Variants in NCF2 observed in about 807,000 individuals in gnomAD.
NCF2 encodes the protein neutrophil cytosol factor 2.
In NCF2, 45 loss-of-function variants were observed where a neutral mutation model predicts 70.9. The ratio of observed to expected loss-of-function variants is 0.63; its 90% CI spans 0.50 to 0.81. The LOEUF (loss-of-function observed/expected upper bound fraction) is 0.81, where lower values mean the gene tolerates loss of function less well. Ranked by LOEUF, NCF2 falls within the 40% of genes least tolerant of loss-of-function variation. The pLI is 0.00. For synonymous variants in NCF2, 203 were observed against 233.6 expected (o/e 0.87, Z 1.19); for missense variants, 522 against 631.6 (o/e 0.83, Z 1.86).
intron 11 of NCF2, 115 bp from the exon 12 acceptor site, chr1:183,563,700 G>A: frequency 7.6e-7 from 1 of 1,311,724 alleles, no homozygotes; most frequent in Non-Finnish European, 1.1e-6. Context: ...GCAGGGGAGA[G>A]GCCAGTAAGT....
At position 183,584,641 on chromosome 1, in the gene NCF2, C is replaced by T. The variant is rs148819724; in HGVS notation, c.257+2254G>A. 2.8e-3 allele frequency among the ~76,000 whole-genome samples: 428 copies of T among 152,250 alleles called. 1 individual carries two copies. Among genetic ancestry groups the T allele is most frequent in the Admixed American group, 5.6e-3 (85 of 15,300 alleles). ...CTCTTCTTTATAGACTATTAGAGGT[C>T]ACTAAGGAATGACCTTAGAGTTTGC... On this transcript the variant is annotated intron_variant, in intron 2 of 14. Coordinates refer to ENST00000367535, the MANE Select transcript of NCF2 (RefSeq NM_000433.4).
chr1:183,599,173 A>G, the NCF2 span, among the ~76,000 whole-genome samples: 1 of 152,160 alleles, frequency 6.6e-6, no homozygotes, highest in Admixed American at 6.5e-5. Flanking sequence ...ACTTGAAGTC[A>G]GGAGTTTGAG....
the NCF2 span, among the ~76,000 whole-genome samples, chr1:183,596,681 G>T: frequency 1.3e-5 from 2 of 151,872 alleles, no homozygotes; most frequent in African/African-American, 2.4e-5. Context: ...GGCAGAAGTT[G>T]CAGTGAGCCG....
intron 11 of NCF2, 26 bp from the exon 12 acceptor site, chr1:183,563,611 C>G (rs774348592): frequency 6.2e-7 from 1 of 1,612,438 alleles, no homozygotes; most frequent in Non-Finnish European, 8.5e-7. Flanking sequence ...ACAAAGGGAA[C>G]TCCTGAGTGT....
chr1:183,599,427 T>TTTCTTTCC, the NCF2 span, among the ~76,000 whole-genome samples: 1 of 76,220 alleles, frequency 1.3e-5, no homozygotes, highest in Admixed American at 1.5e-4. Context: ...TCTTTCCTTC[T>TTTCTTTCC]TTCTTTCTTT....
intron 5 of NCF2, among the ~76,000 whole-genome samples, chr1:183,571,585 C>A (rs149255017): frequency 6.6e-6 from 1 of 152,192 alleles, no homozygotes; most frequent in Non-Finnish European, 1.5e-5. Context: ...TGGCAACAAC[C>A]GGTTTGCTTT....
Position 183,563,547 on chromosome 1 carries a change from C to G in NCF2, c.1065G>C (p.Lys355Asn), listed in dbSNP as rs1248900075. 6.2e-7 allele frequency: 1 copy of G among 1,613,998 alleles called. No homozygotes were observed. The highest frequency in any genetic ancestry group is 8.5e-7 in the Non-Finnish European group (1 of 1,180,006). ...TGACTACCGTGTACTTGTAGTGCAC[C>G]TTGAGTGTGTAGGGCATGGGAACAC... is the stretch of plus-strand genomic sequence containing the variant. The part of the protein sequence containing the change: ...KLSVPMPYTL[K>N]VHYKYTVVMK... Residue 355 changes from lysine (K) to asparagine (N), a missense_variant, in exon 12 of 15, where the codon AAG (lysine) becomes AAC (asparagine). Coordinates refer to ENST00000367535, the MANE Select transcript of NCF2 (RefSeq NM_000433.4).
At chr1:183,580,082 G>A (rs553776476) in intron 2 of NCF2, among the ~76,000 whole-genome samples, 2 of 152,308 alleles carry the variant, frequency 1.3e-5, no homozygotes, top group South Asian at 2.1e-4. Context: ...CATAAGGAAC[G>A]GGTGCCAGTG....
intron 14 of NCF2, 117 bp downstream of exon 14, chr1:183,559,979 G>T (rs867592982): frequency 5.1e-6 from 6 of 1,167,490 alleles, no homozygotes; most frequent in Non-Finnish European, 7.5e-6. Context: ...TAGGAAGGGG[G>T]TTGAAAACAC....
At chr1:183,579,767 GAAT>G (rs1432525485) in intron 2 of NCF2, among the ~76,000 whole-genome samples, 1 of 134,930 alleles carries the variant, frequency 7.4e-6, no homozygotes, top group African/African-American at 2.8e-5. Flanking sequence ...AAAAAAAAGA[GAAT>G]AATAACAGCA....
chr1:183,570,965 A>G (rs1348465663), intron 5 of NCF2, 126 bp from the exon 6 acceptor site: 3 of 882,532 alleles, frequency 3.4e-6, no homozygotes, highest in Admixed American at 2.0e-5. Context: ...GACAGTAACT[A>G]AGGATTAGAT....
Position 183,569,793 on chromosome 1 carries a change from T to C in NCF2, c.670-608A>G, listed in dbSNP as rs182449012. Among the ~76,000 whole-genome samples, 134 of 152,332 alleles carry C rather than the reference T, an allele frequency of 8.8e-4. 2 individuals are homozygous for C. The East Asian group carries it at 0.019, about 21-fold the overall frequency. The stretch of plus-strand genomic sequence containing the variant: ...TAGTAGGGACAGGGGTTTCACCATG[T>C]TGGCCAGGCTGGTCTGGAACTCCTG... On this transcript the variant is annotated intron_variant, in intron 6 of 14. Coordinates refer to ENST00000367535, the MANE Select transcript of NCF2 (RefSeq NM_000433.4).
At chr1:183,584,700 T>A (rs1031015503) in intron 2 of NCF2, among the ~76,000 whole-genome samples, 1 of 152,124 alleles carries the variant, frequency 6.6e-6, no homozygotes, top group African/African-American at 2.4e-5. Flanking sequence ...AAGGATTTGT[T>A]GTTAGGCCTC....
At chr1:183,598,155 C>T in the NCF2 span, 1 of 152,356 alleles carries the variant, frequency 6.6e-6, no homozygotes, top group Non-Finnish European at 1.5e-5. Context: ...GACACAGAAA[C>T]TTTTCAGTCT....
chr1:183,570,157 G>T (rs1282952446), intron 6 of NCF2, among the ~76,000 whole-genome samples: 1 of 152,182 alleles, frequency 6.6e-6, no homozygotes, highest in Non-Finnish European at 1.5e-5. Flanking sequence ...CCCATCACAG[G>T]TTCATTGCCA....
In NCF2 at chr1:183,573,220, G is replaced by C. The variant is rs764314608; in HGVS notation, c.574C>G (p.Gln192Glu). 6.2e-7 allele frequency: 1 copy of C among 1,614,172 alleles called. No individual in the cohort carries two copies. Among genetic ancestry groups the C allele is most frequent in the Non-Finnish European group, 8.5e-7 (1 of 1,180,026 alleles). ...CCTAGGTAATCCTTCTTGGCCAGCT[G>C]AGCCACTTGTCTCTCATTTGGTCGA... ...LFRPNERQVA[Q>E]LAKKDYLGKA... The change falls in exon 5 of 15, where the codon CAG becomes GAG. Residue 192 changes from glutamine to glutamate, a missense_variant. Physicochemically the swap from Gln to Glu is conservative, Grantham distance 29. Coordinates refer to ENST00000367535, the MANE Select transcript of NCF2 (RefSeq NM_000433.4).
intron 14 of NCF2, among the ~76,000 whole-genome samples, chr1:183,557,756 A>G (rs1189280575): frequency 6.6e-6 from 1 of 152,144 alleles, no homozygotes; most frequent in Non-Finnish European, 1.5e-5. Flanking sequence ...ACTCCAGACA[A>G]TTGAGCTGGT....
intron 2 of NCF2, among the ~76,000 whole-genome samples, chr1:183,578,794 A>G (rs1474093966): frequency 6.6e-6 from 1 of 152,212 alleles, no homozygotes; most frequent in Admixed American, 6.5e-5. Flanking sequence ...TGACCACATC[A>G]ATAGGGCCCA....
chr1:183,570,948 A>G, intron 5 of NCF2, 109 bp from the exon 6 acceptor site: 1 of 1,014,772 alleles, frequency 9.9e-7, no homozygotes, highest in Non-Finnish European at 1.5e-6. Flanking sequence ...GCCTGGTTTC[A>G]GACGTGGACA....
Sources: allele counts gnomAD v4.1 joint callset (sites outside exome capture counted in the v4.1 genomes callset), GRCh38; gene constraint gnomAD v4.1.1; transcripts MANE v1.5; gene names NCBI Gene and HGNC (gene_info 2026-07-23, HGNC 2026-07-21).